The following ACADVL variants were observed in gnomAD, a reference collection of about 807,000 sequenced individuals.
The protein encoded by ACADVL is acyl-CoA dehydrogenase very long chain.
A neutral mutation model predicts 80.4 loss-of-function variants in ACADVL; 73 were observed. The observed-to-expected ratio is 0.91, with a 90% confidence interval of 0.75 to 1.10. The LOEUF (loss-of-function observed/expected upper bound fraction) is 1.10. ACADVL is among the 50% of genes least tolerant of loss of function. The pLI, the probability that ACADVL is intolerant of heterozygous loss-of-function variation, is 0.00. For synonymous variants in ACADVL, 392 were observed against 326.5 expected (o/e 1.20, Z -2.16); for missense variants, 878 against 858.9 (o/e 1.02, Z -0.28).
In ACADVL at chr17:7,222,274, G is replaced by T; in HGVS notation, c.850G>T (p.Val284Leu). ...AVKEKITAFVVERGFGGITHG... is the reference protein window; with the variant it reads ...AVKEKITAFVLERGFGGITHG... Reference sequence around the variant, plus strand: ...GAAGGAGAAGATCACAGCTTTTGTGGTGGAGAGGGGCTTCGGGGGCATTAC... The same window carrying T: ...GAAGGAGAAGATCACAGCTTTTGTGTTGGAGAGGGGCTTCGGGGGCATTAC... The change falls in exon 9 of 20, where the codon GTG becomes TTG. Residue 284 changes from valine to leucine, a missense_variant. Val to Leu is a conservative substitution (Grantham distance 32, BLOSUM62 1). Transcript: ENST00000356839. 6.2e-7 allele frequency: 1 copy of T among 1,614,100 alleles called. No individual in the cohort carries two copies. Among genetic ancestry groups the T allele is most frequent in the Admixed American group, 1.7e-5 (1 of 60,028 alleles).
upstream of ACADVL, chr17:7,219,878 G>C (rs750033388): frequency 1.9e-6 from 3 of 1,541,252 alleles, no homozygotes; most frequent in Admixed American, 5.9e-5. Flanking sequence ...TCCGCCGCCC[G>C]GTGCACTGTG....
At chr17:7,217,150 T>TG, upstream of ACADVL, 3 of 1,290,996 alleles carry the variant, frequency 2.3e-6, no homozygotes, top group Non-Finnish European at 2.0e-6. Context: ...CAGTCCATGT[T>TG]GGGGGGCCTG....
rs1339560413 is a variant in ACADVL, at chr17:7,220,646, A to G, written c.247A>G (p.Thr83Ala). ...TGTGGGAATGTTCAAAGGCCAGCTC[A>G]CCACAGATCAGGTGTTCCCATACCC... ...FAVGMFKGQL[T>A]TDQVFPYPSV... Residue 83 changes from threonine (T) to alanine (A), a missense_variant, in exon 4 of 20, where the codon ACC (threonine) becomes GCC (alanine). Transcript: ENST00000356839. 2 of 1,614,178 alleles carry G rather than the reference A, an allele frequency of 1.2e-6. No individual in the cohort carries two copies. Among genetic ancestry groups the G allele is most frequent in the South Asian group, 2.2e-5 (2 of 91,080 alleles).
chr17:7,220,306 T>C (rs2071132532), intron 2 of ACADVL, 109 bp downstream of exon 2: 6 of 1,503,726 alleles, frequency 4.0e-6, no homozygotes, highest in Non-Finnish European at 5.4e-6. Flanking sequence ...TACTGCTCAG[T>C]CGCCGAAAGT....
chr17:7,222,963 G>C, intron 10 of ACADVL, 98 bp downstream of exon 10: 1 of 1,503,598 alleles, frequency 6.7e-7, no homozygotes, highest in Non-Finnish European at 9.1e-7. Context: ...CCCTACACTA[G>C]AAACTCCTCC....
At position 7,224,636 on chromosome 17, in the gene ACADVL, G is replaced by A. The variant is rs113994171; in HGVS notation, c.1679-6G>A. On this transcript the variant is annotated splice_polypyrimidine_tract_variant and splice_region_variant and intron_variant, in intron 17 of 19. Coordinates refer to ENST00000356839, the MANE Select transcript of ACADVL (RefSeq NM_000018.4). ...CACCCCCACCCCCACCCCACCTACC[G>A]GACAGATGAACAGTTTCTGCTGCAG... The A allele has an allele frequency of 7.4e-5, 30 of 404,780 alleles. No homozygotes were observed. Among genetic ancestry groups the A allele is most frequent in the Admixed American group, 2.7e-4 (4 of 14,554 alleles). The allele number at this position is 404,780 out of a possible 1,614,324, so 25.1% of individuals were successfully genotyped here.
intron 2 of ACADVL, 114 bp downstream of exon 2, chr17:7,220,311 G>A (rs2071132975): frequency 4.7e-6 from 7 of 1,504,890 alleles, no homozygotes; most frequent in Non-Finnish European, 6.3e-6. Context: ...CTCAGTCGCC[G>A]AAAGTAGGGG....
rs1597528061 is a variant in ACADVL at position 7,222,209 on chromosome 17, T to C, written c.785T>C (p.Phe262Ser). The C allele has an allele frequency of 3.7e-6, 6 of 1,614,094 alleles. No homozygotes were observed. Among genetic ancestry groups the C allele is most frequent in the Non-Finnish European group, 5.1e-6 (6 of 1,180,022 alleles). ...GGCCTAGCAGACATCTTCACGGTCT[T>C]TGCCAAGACACCAGTTACAGATCCA... ...NGGLADIFTV[F>S]AKTPVTDPAT... Residue 262 changes from phenylalanine (F) to serine (S), a missense_variant, in exon 9 of 20, where the codon TTT (phenylalanine) becomes TCT (serine). Physicochemically the swap from Phe to Ser is radical, Grantham distance 155. Transcript: ENST00000356839.
intron 16 of ACADVL, 23 bp from the exon 17 acceptor site, chr17:7,224,457 C>T (rs2071380658): frequency 1.2e-6 from 2 of 1,613,742 alleles, no homozygotes; most frequent in Non-Finnish European, 1.7e-6. Context: ...CCTCTGAGCC[C>T]CGCACTGTCC....
In ACADVL at chr17:7,221,859, A is replaced by AG. The variant is rs1466414844; in HGVS notation, c.623-88dup. 1.7e-5 allele frequency: 28 copies of AG among 1,605,276 alleles called. No homozygotes were observed. In the African/African-American group the frequency reaches 2.4e-4, roughly 14 times the overall value. On this transcript the variant is annotated intron_variant, in intron 7 of 19. Transcript: ENST00000356839. ...AAGAACTGGATACTCCCAGGTGTTAAGGGGGAACTGCCTGCTGGAGGGATG... is the reference window on the plus strand; with the variant it reads ...AAGAACTGGATACTCCCAGGTGTTAAGGGGGGAACTGCCTGCTGGAGGGATG...
In ACADVL at chr17:7,224,897, G is replaced by C; in HGVS notation, c.1827+13G>C. ...CTGGTGTATCGAGGTGAGACTCGGGGCTGCCAAGCTCAGGTGAGGGCTGGA... is the reference window on the plus strand; with the variant it reads ...CTGGTGTATCGAGGTGAGACTCGGGCCTGCCAAGCTCAGGTGAGGGCTGGA... On this transcript the variant is annotated intron_variant, in intron 19 of 19. Coordinates refer to ENST00000356839, the MANE Select transcript of ACADVL (RefSeq NM_000018.4). 1 of 1,613,984 alleles carries C rather than the reference G, an allele frequency of 6.2e-7. No individual in the cohort carries two copies. The highest frequency in any genetic ancestry group is 8.5e-7 in the Non-Finnish European group (1 of 1,180,018).
chr17:7,225,246 A>G lies in ACADVL; in HGVS notation c.*149A>G. ...AAGAGCACTTACTGCCTCGCAAATA[A>G]TAAAAATTTCTAGCCAGTCATGCTT... On this transcript the variant is annotated 3_prime_UTR_variant, in exon 20 of 20. Coordinates refer to ENST00000356839, the MANE Select transcript of ACADVL (RefSeq NM_000018.4). 1.8e-6 allele frequency: 2 copies of G among 1,085,708 alleles called. No individual in the cohort carries two copies. Among genetic ancestry groups the G allele is most frequent in the Non-Finnish European group, 1.3e-6 (1 of 750,754 alleles). The allele number at this position is 1,085,708 out of a possible 1,614,324, so 67.3% of individuals were successfully genotyped here.
At position 7,223,885 on chromosome 17, in the gene ACADVL, G is replaced by A. The variant is rs763921736; in HGVS notation, c.1332+10G>A. On this transcript the variant is annotated intron_variant, in intron 13 of 19. Coordinates refer to ENST00000356839, the MANE Select transcript of ACADVL (RefSeq NM_000018.4). ...TATGGGCTTCATGAAGGTACAGGACGGTCTTCTGCAGAGCCTCGGCTGGGC... is the reference window on the plus strand; with the variant it reads ...TATGGGCTTCATGAAGGTACAGGACAGTCTTCTGCAGAGCCTCGGCTGGGC... 15 of 1,613,826 alleles carry A rather than the reference G, an allele frequency of 9.3e-6. No individual in the cohort carries two copies. Among genetic ancestry groups the A allele is most frequent in the African/African-American group, 6.7e-5 (5 of 74,896 alleles).
intron 8 of ACADVL, 27 bp downstream of exon 8, chr17:7,222,108 C>T (rs2071259972): frequency 2.5e-6 from 4 of 1,613,996 alleles, no homozygotes; most frequent in Non-Finnish European, 3.4e-6. Context: ...TTCTCCCCTT[C>T]TCCTCCGCCC....
chr17:7,217,989 G>A (rs1022123346), upstream of ACADVL, among the ~76,000 whole-genome samples: 9 of 151,878 alleles, frequency 5.9e-5, no homozygotes, highest in Admixed American at 4.6e-4. Context: ...TTTCTCAGGG[G>A]GAAACCTAAA....
upstream of ACADVL, chr17:7,219,840 TCCCAGCA>T (rs2071094555): frequency 2.6e-6 from 4 of 1,537,864 alleles, no homozygotes; most frequent in Non-Finnish European, 3.5e-6. Context: ...GAACTACAGC[TCCCAGCA>T]TGCCCCGGGG....
At chr17:7,219,748 G>C (rs542756786), upstream of ACADVL, 429 of 1,453,422 alleles carry the variant, frequency 3.0e-4, 2 homozygotes, top group Middle Eastern at 2.7e-3. Context: ...TAGGTCGGAC[G>C]GGCGGGATTA....
Position 7,222,266 on chromosome 17 carries a change from C to G in ACADVL, c.842C>G (p.Ala281Gly). 1 of 1,614,048 alleles carries G rather than the reference C, an allele frequency of 6.2e-7. No individual in the cohort carries two copies. The highest frequency in any genetic ancestry group is 2.2e-5 in the East Asian group (1 of 44,882). The change falls in exon 9 of 20, where the codon GCT (alanine) becomes GGT (glycine). Residue 281 changes from alanine to glycine, a missense_variant. Physicochemically the swap from Ala to Gly is moderately conservative, Grantham distance 60. Coordinates refer to ENST00000356839, the MANE Select transcript of ACADVL (RefSeq NM_000018.4). The stretch of plus-strand genomic sequence containing the variant: ...GGAGCCGTGAAGGAGAAGATCACAG[C>G]TTTTGTGGTGGAGAGGGGCTTCGGG... Reference protein sequence around the residue: ...ATGAVKEKITAFVVERGFGGI... With the variant: ...ATGAVKEKITGFVVERGFGGI...
upstream of ACADVL, chr17:7,218,880 T>C (rs758740503): frequency 1.9e-6 from 3 of 1,612,662 alleles, no homozygotes; most frequent in Non-Finnish European, 2.5e-6. Context: ...ATCTCCCTAA[T>C]CCTCCAGGAT....
Sources: gnomAD v4.1 joint callset for allele counts (sites outside exome capture counted in the v4.1 genomes callset) on GRCh38, gnomAD v4.1.1 for gene constraint, MANE v1.5 for transcripts, NCBI Gene and HGNC (gene_info 2026-07-23, HGNC 2026-07-21) for gene names.